Variants in DIP2C observed in about 807,000 individuals in gnomAD.
DIP2C encodes disco-interacting protein 2 homolog C.
In DIP2C, 33 loss-of-function variants were observed where a neutral mutation model predicts 192.4. That is an observed-to-expected ratio of 0.17 (90% CI 0.13 to 0.23). The LOEUF is 0.23. Ranked by LOEUF, DIP2C falls within the 10% of genes least tolerant of loss-of-function variation. The pLI is 1.00. For missense variants in DIP2C, 1,537 were observed against 2,110.1 expected, an observed-to-expected ratio of 0.73 and a Z score of 5.32; for synonymous variants, 979 against 864.1, an observed-to-expected ratio of 1.13 and a Z score of -2.33.
intron 29 of DIP2C, among the ~76,000 whole-genome samples, chr10:334,859 A>G (rs895941901): frequency 6.6e-6 from 1 of 152,236 alleles, no homozygotes; most frequent in Non-Finnish European, 1.5e-5. Context: ...ATCAGGAATG[A>G]GAAGTTCTGA....
chr10:383,119 C>T (rs74786061), intron 16 of DIP2C, among the ~76,000 whole-genome samples: 1,819 of 152,196 alleles, frequency 0.012, 22 homozygotes, highest in African/African-American at 0.037. Context: ...ATGATGAGGT[C>T]GAGGCACAAT....
At chr10:342,361 T>C (rs1461223771) in intron 28 of DIP2C, among the ~76,000 whole-genome samples, 1 of 152,152 alleles carries the variant, frequency 6.6e-6, no homozygotes, top group Non-Finnish European at 1.5e-5. Flanking sequence ...GGTTTCCCCA[T>C]GTTAGGCAGG....
intron 24 of DIP2C, among the ~76,000 whole-genome samples, chr10:355,104 C>T (rs533804405): frequency 6.6e-6 from 1 of 152,130 alleles, no homozygotes; most frequent in Admixed American, 6.5e-5. Context: ...ATCTCCGGCC[C>T]CCACACCTGA....
chr10:494,954 T>C (rs144951014), intron 1 of DIP2C, among the ~76,000 whole-genome samples: 54 of 152,364 alleles, frequency 3.5e-4, no homozygotes, highest in African/African-American at 2.9e-4. Flanking sequence ...TGCAGCACTA[T>C]TGACAATCAC....
chr10:624,818 C>T (rs1408738037), intron 1 of DIP2C, among the ~76,000 whole-genome samples: 1 of 152,168 alleles, frequency 6.6e-6, no homozygotes, highest in South Asian at 2.1e-4. Context: ...CCTGGGGCAC[C>T]CACGAGAAAA....
intron 1 of DIP2C, among the ~76,000 whole-genome samples, chr10:599,050 G>A (rs1206500172): frequency 6.6e-6 from 1 of 152,184 alleles, no homozygotes; most frequent in African/African-American, 2.4e-5. Context: ...GTGGAATAAA[G>A]TAAGTGAAGG....
Position 456,701 on chromosome 10 carries a change from T to C in DIP2C, c.269-15705A>G, listed in dbSNP as rs138206804. On this transcript the variant is annotated intron_variant, in intron 3 of 36. Coordinates refer to ENST00000280886, the MANE Select transcript of DIP2C (RefSeq NM_014974.3). ...GTCCACGGCCACCGTTTGTCTCCAC[T>C]ACACAGGGCCATCTGTGTTCCCTCC... Among the ~76,000 whole-genome samples, 881 of 152,340 alleles carry C rather than the reference T, an allele frequency of 5.8e-3. 6 individuals are homozygous for C. The highest frequency in any genetic ancestry group is 7.4e-3 in the Non-Finnish European group (503 of 68,032).
chr10:613,958 G>A (rs940657004), intron 1 of DIP2C, among the ~76,000 whole-genome samples: 3 of 152,222 alleles, frequency 2.0e-5, no homozygotes. Flanking sequence ...TCCAGCCCAG[G>A]ATATTCAGGG....
intron 1 of DIP2C, among the ~76,000 whole-genome samples, chr10:495,257 C>T (rs1045029563): frequency 1.3e-5 from 2 of 152,092 alleles, no homozygotes; most frequent in African/African-American, 2.4e-5. Flanking sequence ...CAAGGGCACA[C>T]ACTTCAAGAA....
At chr10:474,488 G>A (rs544336342) in intron 2 of DIP2C, among the ~76,000 whole-genome samples, 92 of 152,214 alleles carry the variant, frequency 6.0e-4, no homozygotes, top group Non-Finnish European at 1.2e-3. Context: ...AATTTTCCTG[G>A]AAGTCCTCTT....
intron 4 of DIP2C, among the ~76,000 whole-genome samples, chr10:435,311 A>G (rs1447731339): frequency 6.6e-6 from 1 of 152,202 alleles, no homozygotes; most frequent in Non-Finnish European, 1.5e-5. Context: ...CCTAGTTAAG[A>G]GTGCTCCTGC....
At chr10:477,733 AAG>A (rs1255488931) in intron 2 of DIP2C, among the ~76,000 whole-genome samples, 1 of 132,224 alleles carries the variant, frequency 7.6e-6, no homozygotes, top group Non-Finnish European at 1.7e-5. Context: ...AAGAGAAGGA[AAG>A]AAAGAACGAG....
At chr10:318,396 T>G (rs962127486) in intron 31 of DIP2C, among the ~76,000 whole-genome samples, 1 of 152,126 alleles carries the variant, frequency 6.6e-6, no homozygotes, top group Non-Finnish European at 1.5e-5. Context: ...GCAGTGAAGG[T>G]GTCCAGACAC....
At chr10:565,641 T>C (rs1355501201) in intron 1 of DIP2C, among the ~76,000 whole-genome samples, 3 of 152,244 alleles carry the variant, frequency 2.0e-5, no homozygotes, top group African/African-American at 7.2e-5. Flanking sequence ...ATGGTGTGTT[T>C]CCCGTTTGCT....
At chr10:307,431 G>A (rs1956372863) in intron 32 of DIP2C, among the ~76,000 whole-genome samples, 1 of 152,166 alleles carries the variant, frequency 6.6e-6, no homozygotes, top group African/African-American at 2.4e-5. Flanking sequence ...AATATTTAAG[G>A]GAGGTTTAAG....
chr10:413,468 A>T (rs1965314935), intron 8 of DIP2C, among the ~76,000 whole-genome samples: 3 of 152,392 alleles, frequency 2.0e-5, no homozygotes, highest in Admixed American at 2.0e-4. Context: ...CTAACATCTT[A>T]TTAGAGCTAT....
At chr10:475,391 T>C (rs1431365540) in intron 2 of DIP2C, among the ~76,000 whole-genome samples, 1 of 152,200 alleles carries the variant, frequency 6.6e-6, no homozygotes, top group Non-Finnish European at 1.5e-5. Context: ...TTGCCAAGCG[T>C]ATCCAGTGGC....
At chr10:596,535 T>G (rs919751737) in intron 1 of DIP2C, among the ~76,000 whole-genome samples, 1 of 143,548 alleles carries the variant, frequency 7.0e-6, no homozygotes, top group Non-Finnish European at 1.5e-5. Context: ...AAGTATTAAG[T>G]TTTCCTTCCA....
At chr10:413,224 G>C (rs907344893) in intron 8 of DIP2C, among the ~76,000 whole-genome samples, 17 of 152,170 alleles carry the variant, frequency 1.1e-4, no homozygotes, top group African/African-American at 4.1e-4. Context: ...ACAGAAAAAA[G>C]AGAAACGCAC....
Sources: gnomAD v4.1 joint callset for allele counts (sites outside exome capture counted in the v4.1 genomes callset) on GRCh38, gnomAD v4.1.1 for gene constraint, MANE v1.5 for transcripts, NCBI Gene and HGNC (gene_info 2026-07-23, HGNC 2026-07-21) for gene names.